DLAT: variants seen among roughly 807,000 people sequenced by gnomAD.
The protein encoded by DLAT is dihydrolipoyllysine-residue acetyltransferase component of pyruvate dehydrogenase complex, mitochondrial.
A neutral mutation model predicts 68.0 loss-of-function variants in DLAT; 43 were observed. That is an observed-to-expected ratio of 0.63 (90% confidence interval 0.50 to 0.81). The LOEUF is 0.81. Ranked by LOEUF, DLAT falls within the 40% of genes least tolerant of loss-of-function variation. The probability of loss-of-function intolerance (pLI) is 0.00; values close to 1 mark genes in which losing one functional copy is unlikely to be tolerated. For synonymous variants in DLAT, 265 were observed against 288.6 expected (o/e 0.92, Z 0.83); for missense variants, 745 against 815.4 (o/e 0.91, Z 1.05).
Position 112,051,361 on chromosome 11 carries a change from T to C in DLAT, c.1514+12T>C. 6.4e-7 allele frequency: 1 copy of C among 1,552,354 alleles called. No homozygotes were observed. The highest frequency in any genetic ancestry group is 1.4e-5 in the African/African-American group (1 of 73,792). ...ACAGTTATAAGACAGTAAGTATAACTGGGGAAGATATATATCCATCGGTAG... is the reference window on the plus strand; with the variant it reads ...ACAGTTATAAGACAGTAAGTATAACCGGGGAAGATATATATCCATCGGTAG... On this transcript the variant is annotated intron_variant, in intron 11 of 13. Coordinates refer to ENST00000280346, the MANE Select transcript of DLAT (RefSeq NM_001931.5). The surrounding 1 kb of genome is among the most constrained non-coding windows in gnomAD (Gnocchi z 4.3).
At chr11:112,046,039 T>G (rs1402244862) in intron 10 of DLAT, 69 bp downstream of exon 10, 4 of 877,042 alleles carry the variant, frequency 4.6e-6, no homozygotes, top group Non-Finnish European at 7.5e-6. Context: ...AACATTTATA[T>G]TTTTGTCCAT....
chr11:112,042,739 C>G (rs1449819968), intron 7 of DLAT, among the ~76,000 whole-genome samples: 4 of 152,112 alleles, frequency 2.6e-5, no homozygotes, highest in Admixed American at 2.6e-4. Flanking sequence ...AAAATTAAAC[C>G]TACTGAGAGA....
Position 112,025,716 on chromosome 11 carries a change from G to A in DLAT, c.244G>A (p.Gly82Ser). ...RLLLQLLGSP[G>S]RRYYSLPPHQ... The stretch of plus-strand genomic sequence containing the variant: ...ACTGCTGCAGCTTTTGGGGTCGCCC[G>A]GCCGCCGCTATTACAGTCTTCCCCC... Residue 82 changes from glycine to serine, a missense_variant, in exon 1 of 14, where the codon GGC (glycine) becomes AGC (serine). Gly to Ser is a moderately conservative substitution (Grantham distance 56). Transcript: ENST00000280346. 1 of 1,612,890 alleles carries A rather than the reference G, an allele frequency of 6.2e-7. No homozygotes were observed. Among genetic ancestry groups the A allele is most frequent in the Non-Finnish European group, 8.5e-7 (1 of 1,179,912 alleles).
chr11:112,041,232 G>A (rs913616644), intron 7 of DLAT, among the ~76,000 whole-genome samples: 11 of 152,182 alleles, frequency 7.2e-5, no homozygotes, highest in African/African-American at 1.9e-4. Context: ...TAATGGTTGT[G>A]AGGTTTAAAT....
chr11:112,045,407 G>T (rs1863257410), intron 9 of DLAT, among the ~76,000 whole-genome samples, 177 bp downstream of exon 9: 1 of 152,126 alleles, frequency 6.6e-6, no homozygotes, highest in Admixed American at 6.5e-5. Context: ...TATTAGAAGG[G>T]CCAGGCGCAG....
chr11:112,030,443 A>G (rs1293794513), intron 4 of DLAT: 1 of 335,258 alleles, frequency 3.0e-6, no homozygotes, highest in Non-Finnish European at 5.8e-6. Flanking sequence ...TCCAAGCTGT[A>G]TCATAGGTGT....
At chr11:112,039,554 G>C (rs1159198854) in intron 7 of DLAT, among the ~76,000 whole-genome samples, 157 bp downstream of exon 7, 1 of 152,084 alleles carries the variant, frequency 6.6e-6, no homozygotes, top group Non-Finnish European at 1.5e-5. Flanking sequence ...TAGTTCTTTT[G>C]TTGCCACCAC....
intron 2 of DLAT, among the ~76,000 whole-genome samples, chr11:112,027,921 G>C (rs1165713938): frequency 1.3e-5 from 2 of 151,914 alleles, no homozygotes; most frequent in Non-Finnish European, 2.9e-5. Context: ...CGTGGGGAGA[G>C]GGAGAGGGAG....
In DLAT at chr11:112,061,077, A is replaced by C; in HGVS notation, c.1717A>C (p.Ile573Leu). 1 of 1,612,440 alleles carries C rather than the reference A, an allele frequency of 6.2e-7. No homozygotes were observed. Among genetic ancestry groups the C allele is most frequent in the Non-Finnish European group, 8.5e-7 (1 of 1,179,008 alleles). Residue 573 changes from isoleucine (I) to leucine (L), a missense_variant, in exon 13 of 14, where the codon ATT becomes CTT. Coordinates refer to ENST00000280346, the MANE Select transcript of DLAT (RefSeq NM_001931.5). The stretch of plus-strand genomic sequence containing the variant: ...GATCTCCAATTTAGGAATGTTTGGA[A>C]TTAAGAATTTCTCTGCTATTATTAA... ...FTISNLGMFG[I>L]KNFSAIINPP...
rs201456972 is a variant in DLAT, at chr11:112,028,443, AAAT to A, written c.382-71_382-69del. The A allele has an allele frequency of 2.5e-3, 3,592 of 1,459,538 alleles. 40 individuals carry two copies. In the African/African-American group the frequency reaches 0.051, roughly 21 times the overall value. The allele number at this position is 1,459,538 out of a possible 1,614,324, so 90.4% of individuals were successfully genotyped here. A position where few individuals can be genotyped will look rare whatever the true frequency, so the allele number is the denominator to read the frequency against. Reference sequence around the variant, plus strand: ...CTCAAAAAAAAAAAAAAAAAAAAAAAAATTCTAGACACAAGCTAATAAATTACA... The same window carrying A: ...CTCAAAAAAAAAAAAAAAAAAAAAAATCTAGACACAAGCTAATAAATTACA... On this transcript the variant is annotated intron_variant, in intron 2 of 13. Coordinates refer to ENST00000280346, the MANE Select transcript of DLAT (RefSeq NM_001931.5).
chr11:112,062,791 G>A lies in DLAT; in HGVS notation c.*256G>A. ...AATTAAGGGACATGTATGTGGCCTT[G>A]CCTAGCCCTTTGGTGATAAGTACTT... On this transcript the variant is annotated 3_prime_UTR_variant, in exon 14 of 14. Coordinates refer to ENST00000280346, the MANE Select transcript of DLAT (RefSeq NM_001931.5). The A allele has an allele frequency of 2.3e-6, 1 of 437,082 alleles. No individual in the cohort carries two copies. The highest frequency in any genetic ancestry group is 4.2e-6 in the Non-Finnish European group (1 of 236,754). The allele number at this position is 437,082 out of a possible 1,614,324, so 27.1% of individuals were successfully genotyped here. A position where few individuals can be genotyped will look rare whatever the true frequency, so the allele number is the denominator to read the frequency against.
chr11:112,026,325 T>G, intron 2 of DLAT, 26 bp downstream of exon 2: 1 of 1,214,598 alleles, frequency 8.2e-7, no homozygotes. Context: ...TTTTTTTAAT[T>G]AATTTATTTA....
rs782547700 is a variant in DLAT at position 112,045,853 on chromosome 11, T to C, written c.1291-10T>C. ...AAGATAATTGATTTTTTAAATCTCT[T>C]TGGTTTCAGGTTATTGCACAGCGAT... On this transcript the variant is annotated splice_polypyrimidine_tract_variant and intron_variant, in intron 9 of 13. Transcript: ENST00000280346. The C allele has an allele frequency of 6.4e-6, 10 of 1,564,484 alleles. No individual in the cohort carries two copies. The East Asian group carries it at 2.0e-4, about 32-fold the overall frequency.
rs1862937996 is a variant in DLAT at position 112,039,361 on chromosome 11, G to T, written c.1093G>T (p.Ala365Ser). The change falls in exon 7 of 14, where the codon GCA becomes TCA. Residue 365 changes from alanine to serine, a missense_variant. Transcript: ENST00000280346. Reference sequence around the variant, plus strand: ...TGTTAGCCCTCTTGCAAAGAAGTTGGCAGTAGAGAAAGGGATTGATCTTAC... The same window carrying T: ...TGTTAGCCCTCTTGCAAAGAAGTTGTCAGTAGAGAAAGGGATTGATCTTAC... Reference protein sequence around the residue: ...VFVSPLAKKLAVEKGIDLTQV... With the variant: ...VFVSPLAKKLSVEKGIDLTQV... 2 of 1,614,078 alleles carry T rather than the reference G, an allele frequency of 1.2e-6. No homozygotes were observed. The highest frequency in any genetic ancestry group is 1.7e-6 in the Non-Finnish European group (2 of 1,180,000).
intron 6 of DLAT, 32 bp downstream of exon 6, chr11:112,037,492 T>TA (rs1209731812): frequency 2.5e-6 from 4 of 1,603,142 alleles, no homozygotes; most frequent in African/African-American, 2.7e-5. Flanking sequence ...AGGAAACACT[T>TA]ACCTTGTTCA....
At chr11:112,054,295 G>A (rs185447114) in intron 11 of DLAT, among the ~76,000 whole-genome samples, 193 of 152,184 alleles carry the variant, frequency 1.3e-3, no homozygotes, top group African/African-American at 4.5e-3. Context: ...ACTCCAGCCT[G>A]AGCAACAGAG....
intron 7 of DLAT, among the ~76,000 whole-genome samples, chr11:112,041,216 T>G (rs1863037058): frequency 6.6e-6 from 1 of 152,208 alleles, no homozygotes; most frequent in African/African-American, 2.4e-5. Context: ...ATAAAAACAT[T>G]AGGTTTAATG....
intron 8 of DLAT, among the ~76,000 whole-genome samples, chr11:112,044,370 T>C (rs935860007): frequency 2.0e-5 from 3 of 152,124 alleles, no homozygotes; most frequent in Non-Finnish European, 2.9e-5. Context: ...AATTTTCGTA[T>C]GTTTAGTAGA....
chr11:112,061,185 A>G lies in DLAT; in HGVS notation c.1814+11A>G. 1 of 1,614,038 alleles carries G rather than the reference A, an allele frequency of 6.2e-7. No homozygotes were observed. The highest frequency in any genetic ancestry group is 8.5e-7 in the Non-Finnish European group (1 of 1,179,960). ...AGATAATGAAAAAGGGTAAGTGCCA[A>G]AATGGAGGGGAAGTCGTAAGCTAAT... On this transcript the variant is annotated intron_variant, in intron 13 of 13. Transcript: ENST00000280346.
Sources: allele counts gnomAD v4.1 joint callset (sites outside exome capture counted in the v4.1 genomes callset), GRCh38; gene constraint gnomAD v4.1.1; non-coding constraint Gnocchi (gnomAD v3.1); transcripts MANE v1.5; gene names NCBI Gene and HGNC (gene_info 2026-07-23, HGNC 2026-07-21).